The following SEPTIN3 variants were observed in gnomAD, a reference collection of about 807,000 sequenced individuals.
The protein encoded by SEPTIN3 is septin 3, also known as neuronal-specific septin-3.
SEPTIN3 carries 15 observed loss-of-function variants against 45.1 expected under a neutral mutation model. The ratio of observed to expected loss-of-function variants is 0.33; its 90% confidence interval spans 0.22 to 0.51. The LOEUF is 0.51. SEPTIN3 is among the 20% of genes least tolerant of loss of function. SEPTIN3 has a pLI of 0.97. For synonymous variants in SEPTIN3, 148 were observed against 164.8 expected, an observed-to-expected ratio of 0.90 and a Z score of 0.78; for missense variants, 289 against 457.2, an observed-to-expected ratio of 0.63 and a Z score of 3.35.
At chr22:41,985,602 C>T (rs1353690406) in intron 3 of SEPTIN3, 1 of 184,102 alleles carries the variant, frequency 5.4e-6, no homozygotes, top group African/African-American at 2.4e-5. Flanking sequence ...CACTGTGAGG[C>T]AGTATCAGGA....
Position 41,987,194 on chromosome 22 carries a change from T to C in SEPTIN3, c.1826-12T>C, listed in dbSNP as rs2078223039. 2 of 1,610,556 alleles carry C rather than the reference T, an allele frequency of 1.2e-6. No individual in the cohort carries two copies. Among genetic ancestry groups the C allele is most frequent in the Non-Finnish European group, 1.7e-6 (2 of 1,178,080 alleles). On this transcript the variant is annotated splice_polypyrimidine_tract_variant and intron_variant, in intron 4 of 11. Coordinates refer to ENST00000644076, the MANE Select transcript of SEPTIN3 (RefSeq NM_001363845.2). ...GACTGACCTCTCTGGTACATTTTCT[T>C]TTCACCCCCAGTGATAGAGGAAGGC...
In SEPTIN3 at chr22:41,972,486, C is replaced by A. The variant is rs927588282; in HGVS notation, c.994C>A (p.Pro332Thr). 1.8e-5 allele frequency: 7 copies of A among 398,974 alleles called. No individual in the cohort carries two copies. Among genetic ancestry groups the A allele is most frequent in the Non-Finnish European group, 2.7e-5 (6 of 226,124 alleles). The allele number at this position is 398,974 out of a possible 1,614,324, so 24.7% of individuals were successfully genotyped here. The change falls in exon 2 of 12, where the codon CCG becomes ACG. Residue 332 changes from proline to threonine, a missense_variant. Physicochemically the swap from Pro to Thr is conservative, Grantham distance 38. Around this residue, in one of 3 missense-constraint regions of SEPTIN3, gnomAD observed 200 missense variants for 315.1 expected, o/e 0.63. Transcript: ENST00000644076. ...CTTGGCTACAGCAGGCACAATCAAG[C>A]CGGGCACAGCCATGAATCTGACTAC... ...VNLATAGTIK[P>T]GTAMNLTTVG...
chr22:41,985,604 G>A, intron 3 of SEPTIN3: 1 of 188,070 alleles, frequency 5.3e-6, no homozygotes, highest in South Asian at 1.1e-4. Flanking sequence ...CTGTGAGGCA[G>A]TATCAGGATG....
intron 2 of SEPTIN3, among the ~76,000 whole-genome samples, chr22:41,980,252 C>CT (rs2078100483): frequency 6.6e-6 from 1 of 151,328 alleles, no homozygotes; most frequent in Admixed American, 6.6e-5. Flanking sequence ...ATTCTCCTGC[C>CT]TCAGCCTCCT....
intron 2 of SEPTIN3, 155 bp from the exon 3 acceptor site, chr22:41,981,490 T>C (rs1602413730): frequency 1.7e-6 from 1 of 603,036 alleles, no homozygotes; most frequent in East Asian, 2.8e-5. Flanking sequence ...AGTCTCTTTG[T>C]CTATGAAATG....
chr22:41,972,444 T>A lies in SEPTIN3; in HGVS notation c.952T>A (p.Ser318Thr). The A allele has an allele frequency of 2.5e-6, 1 of 398,674 alleles. No homozygotes were observed. The highest frequency in any genetic ancestry group is 4.4e-6 in the Non-Finnish European group (1 of 226,038). The allele number at this position is 398,674 out of a possible 1,614,324, so 24.7% of individuals were successfully genotyped here. The change falls in exon 2 of 12, where the codon TCA becomes ACA. Residue 318 changes from serine to threonine, a missense_variant. Ser to Thr is a moderately conservative substitution (Grantham distance 58, BLOSUM62 1). Coordinates refer to ENST00000644076, the MANE Select transcript of SEPTIN3 (RefSeq NM_001363845.2). ...RDLSSVGTVK[S>T]GKTVNLATAG... Reference sequence around the variant, plus strand: ...CTTGTCTTCGGTAGGGACAGTCAAGTCAGGCAAAACCGTGAACTTGGCTAC... The same window carrying A: ...CTTGTCTTCGGTAGGGACAGTCAAGACAGGCAAAACCGTGAACTTGGCTAC...
chr22:41,996,865 G>A, intron 11 of SEPTIN3, 37 bp from the exon 12 acceptor site: 1 of 1,611,814 alleles, frequency 6.2e-7, no homozygotes, highest in Non-Finnish European at 8.5e-7. Flanking sequence ...CCAGCTGCTG[G>A]TCTCCACACC....
At chr22:41,975,381 C>T (rs1569435999) in intron 2 of SEPTIN3, among the ~76,000 whole-genome samples, 1 of 152,190 alleles carries the variant, frequency 6.6e-6, no homozygotes. Context: ...TTAATTGAGT[C>T]GTTAGATTGT....
chr22:41,989,126 C>CAAAAAAAAAA (rs71184854), intron 6 of SEPTIN3, among the ~76,000 whole-genome samples: 1 of 88,596 alleles, frequency 1.1e-5, no homozygotes. Context: ...GACCCTGTCT[C>CAAAAAAAAAA]AAAAAAAAAA....
In SEPTIN3 at chr22:41,981,611, C is replaced by G. The variant is rs759737669; in HGVS notation, c.1505-34C>G. On this transcript the variant is annotated intron_variant, in intron 2 of 11. Transcript: ENST00000644076. ...ATGTGACCTCTGCCGTCCTCCTGAT[C>G]ACCCCTCCGACCCCTCCCACCTTGG... is the stretch of plus-strand genomic sequence containing the variant. 3.8e-6 allele frequency: 6 copies of G among 1,569,392 alleles called. No homozygotes were observed. The East Asian group carries it at 1.4e-4, about 36-fold the overall frequency.
Position 41,986,044 on chromosome 22 carries a change from G to A in SEPTIN3, c.1757G>A (p.Arg586His), listed in dbSNP as rs763354900. Residue 586 changes from arginine (R) to histidine (H), a missense_variant, in exon 4 of 12, where the codon CGC becomes CAC. Around this residue, in one of 3 missense-constraint regions of SEPTIN3, gnomAD observed 200 missense variants for 315.1 expected, o/e 0.63. Transcript: ENST00000644076. Reference sequence around the variant, plus strand: ...ACGCTCTTCAAATCCCAAGTGAGCCGCAAGGCCTCCAGCTGGAACCGGGAG... The same window carrying A: ...ACGCTCTTCAAATCCCAAGTGAGCCACAAGGCCTCCAGCTGGAACCGGGAG... ...VNTLFKSQVS[R>H]KASSWNREEK... 9.9e-6 allele frequency: 16 copies of A among 1,613,562 alleles called. No homozygotes were observed. The highest frequency in any genetic ancestry group is 5.0e-5 in the Admixed American group (3 of 59,976).
At chr22:41,982,415 G>A (rs950351407) in intron 3 of SEPTIN3, among the ~76,000 whole-genome samples, 1 of 152,188 alleles carries the variant, frequency 6.6e-6, no homozygotes, top group African/African-American at 2.4e-5. Flanking sequence ...GGCTGAAGCA[G>A]GAGAATCGCT....
intron 2 of SEPTIN3, 37 bp from the exon 3 acceptor site, chr22:41,981,608 G>A: frequency 6.4e-7 from 1 of 1,565,110 alleles, no homozygotes; most frequent in Non-Finnish European, 8.7e-7. Flanking sequence ...CCGTCCTCCT[G>A]ATCACCCCTC....
In SEPTIN3 at chr22:41,971,693, C is replaced by A. The variant is rs1183803446; in HGVS notation, c.201C>A (p.Thr67=). Residue 67 remains threonine, a synonymous_variant, in exon 2 of 12, where the codon ACC becomes ACA. Transcript: ENST00000644076. ...DTFPQSHIPQ[T]SSRLGLGART... is the part of the protein sequence containing the mutation. ...TCCCCCAAAGCCATATCCCACAGAC[C>A]TCCAGCCGGCTGGGCCTTGGAGCCA... 56 of 399,034 alleles carry A rather than the reference C, an allele frequency of 1.4e-4. No homozygotes were observed. Among genetic ancestry groups the A allele is most frequent in the Non-Finnish European group, 4.9e-5 (11 of 226,216 alleles). The allele number at this position is 399,034 out of a possible 1,614,324, so 24.7% of individuals were successfully genotyped here. A position where few individuals can be genotyped will look rare whatever the true frequency, so the allele number is the denominator to read the frequency against.
At chr22:41,991,195 G>A (rs1228986475) in intron 7 of SEPTIN3, among the ~76,000 whole-genome samples, 2 of 152,194 alleles carry the variant, frequency 1.3e-5, no homozygotes, top group Admixed American at 6.5e-5. Context: ...GGAGTAGGGG[G>A]AGCCTCACCT....
intron 6 of SEPTIN3, among the ~76,000 whole-genome samples, chr22:41,988,677 T>C (rs1316423918): frequency 4.6e-5 from 7 of 152,078 alleles, no homozygotes; most frequent in Non-Finnish European, 1.0e-4. Context: ...GTCCCTGAGA[T>C]TGCAAAATAG....
intron 2 of SEPTIN3, among the ~76,000 whole-genome samples, chr22:41,979,037 GACTGGCATGTC>G (rs2078079019): frequency 1.3e-5 from 2 of 152,208 alleles, no homozygotes; most frequent in Admixed American, 1.3e-4. Context: ...GTTAGCATGT[GACTGGCATGTC>G]ACTGGCATGT....
At position 41,976,898 on chromosome 22, in the gene SEPTIN3, G is replaced by T. The variant is rs566609249; in HGVS notation, c.1504+3902G>T. 1,107 of 234,270 alleles carry T rather than the reference G, an allele frequency of 4.7e-3. 3 individuals are homozygous for T. Among genetic ancestry groups the T allele is most frequent in the Non-Finnish European group, 6.8e-3 (974 of 142,392 alleles). 14.5% of individuals were successfully genotyped at this position (234,270 alleles called of 1,614,324 possible). ...CGGGGAGGGCGCGGCGGCGCGGGGC[G>T]CAGGGGCGGCGCGGCGGGGCCGCGG... On this transcript the variant is annotated intron_variant, in intron 2 of 11. Transcript: ENST00000644076. This position sits in a 1 kb window ranked among gnomAD's most constrained non-coding sequence, Gnocchi z 5.8.
At chr22:41,979,037 G>C (rs2078078945) in intron 2 of SEPTIN3, among the ~76,000 whole-genome samples, 1 of 152,208 alleles carries the variant, frequency 6.6e-6, no homozygotes, top group Admixed American at 6.5e-5. Flanking sequence ...GTTAGCATGT[G>C]ACTGGCATGT....
Sources: allele counts gnomAD v4.1 joint callset (sites outside exome capture counted in the v4.1 genomes callset), GRCh38; gene constraint gnomAD v4.1.1; regional missense constraint gnomAD v4.1.1; non-coding constraint Gnocchi (gnomAD v3.1); transcripts MANE v1.5; gene names NCBI Gene and HGNC (gene_info 2026-07-23, HGNC 2026-07-21).